Variants in SLC8A1 observed in about 807,000 individuals in gnomAD.
SLC8A1 encodes the protein solute carrier family 8 member A1.
SLC8A1 carries 18 observed loss-of-function variants against 68.3 expected under a neutral mutation model. The ratio of observed to expected loss-of-function variants is 0.26; its 90% confidence interval spans 0.18 to 0.39. The LOEUF is 0.39. Ranked by LOEUF, SLC8A1 falls within the 10% of genes least tolerant of loss-of-function variation. SLC8A1 has a pLI of 1.00. For synonymous variants in SLC8A1, 475 were observed against 415.5 expected (o/e 1.14, Z -1.74); for missense variants, 985 against 1,156.7 (o/e 0.85, Z 2.15).
chr2:40,443,539 GATC>G (rs1478915191), intron 1 of SLC8A1, among the ~76,000 whole-genome samples: 1 of 152,182 alleles, frequency 6.6e-6, no homozygotes, highest in Non-Finnish European at 1.5e-5. Flanking sequence ...TGGGGTATGA[GATC>G]ATGTTTGGAA....
intron 2 of SLC8A1, among the ~76,000 whole-genome samples, chr2:40,393,831 A>G (rs543270054): frequency 3.9e-5 from 6 of 152,112 alleles, no homozygotes; most frequent in Non-Finnish European, 7.4e-5. Context: ...CATAACCTAA[A>G]TCACCCAATC....
chr2:40,311,757 A>C (rs1057417347), intron 2 of SLC8A1, among the ~76,000 whole-genome samples: 1 of 151,982 alleles, frequency 6.6e-6, no homozygotes, highest in Non-Finnish European at 1.5e-5. Context: ...TTACTTGCAT[A>C]ATTAAAATAT....
intron 2 of SLC8A1, among the ~76,000 whole-genome samples, chr2:40,274,592 T>C (rs1020788285): frequency 3.3e-5 from 5 of 152,210 alleles, no homozygotes; most frequent in African/African-American, 1.2e-4. Context: ...CAGATGATGA[T>C]ACAAGCATAT....
intron 1 of SLC8A1, among the ~76,000 whole-genome samples, chr2:40,498,191 C>G (rs1393573802): frequency 6.6e-6 from 1 of 152,008 alleles, no homozygotes; most frequent in African/African-American, 2.4e-5. Flanking sequence ...AGTCTTTAGA[C>G]TCCGCAGAAA....
intron 2 of SLC8A1, among the ~76,000 whole-genome samples, chr2:40,384,184 G>A (rs1024842320): frequency 2.0e-5 from 3 of 152,008 alleles, no homozygotes; most frequent in Non-Finnish European, 4.4e-5. Flanking sequence ...TGAATCCCAG[G>A]AGTTGGAGAC....
chr2:40,230,648 A>G (rs1229418868), intron 2 of SLC8A1, among the ~76,000 whole-genome samples: 1 of 152,252 alleles, frequency 6.6e-6, no homozygotes, highest in Non-Finnish European at 1.5e-5. Context: ...ATAATTAATT[A>G]TCATTTAGAA....
Position 40,130,806 on chromosome 2 carries a change from A to C in SLC8A1, c.2437+8595T>G, listed in dbSNP as rs566770558. Among the ~76,000 whole-genome samples the C allele has an allele frequency of 5.3e-5, 8 of 152,352 alleles. No individual in the cohort carries two copies. In the East Asian group the frequency reaches 1.5e-3, roughly 29 times the overall value. On this transcript the variant is annotated intron_variant, in intron 7 of 7. Coordinates refer to ENST00000406785, the Ensembl canonical transcript of SLC8A1. ...ACAATGGCACCTCTTGACACTGGCTATCTGACTTGAAATGTCAATGTTGAG... is the reference window on the plus strand; with the variant it reads ...ACAATGGCACCTCTTGACACTGGCTCTCTGACTTGAAATGTCAATGTTGAG...
chr2:40,321,534 A>T (rs954288536), intron 2 of SLC8A1, among the ~76,000 whole-genome samples: 1 of 152,110 alleles, frequency 6.6e-6, no homozygotes, highest in African/African-American at 2.4e-5. Context: ...TTACAAAGAA[A>T]AGAGGTTTAA....
chr2:40,284,183 A>G (rs570880649), intron 2 of SLC8A1, among the ~76,000 whole-genome samples: 26 of 151,948 alleles, frequency 1.7e-4, no homozygotes, highest in African/African-American at 6.0e-4. Context: ...ATCTATAGAT[A>G]TAGCTATCTA....
chr2:40,438,186 A>G (rs1699801785), intron 1 of SLC8A1, among the ~76,000 whole-genome samples: 1 of 152,184 alleles, frequency 6.6e-6, no homozygotes, highest in Admixed American at 6.6e-5. Flanking sequence ...CTCCTGATAG[A>G]CAATGGTAAT....
intron 2 of SLC8A1, among the ~76,000 whole-genome samples, chr2:40,200,904 A>G (rs1012895968): frequency 6.6e-6 from 1 of 151,888 alleles, no homozygotes; most frequent in Non-Finnish European, 1.5e-5. Flanking sequence ...GGTGAGTATG[A>G]GTGAGATTAT....
chr2:40,177,677 T>G, intron 3 of SLC8A1: 1 of 885,294 alleles, frequency 1.1e-6, no homozygotes, highest in Non-Finnish European at 1.8e-6. Context: ...AGGAGAGAGT[T>G]AAGTGTGAGA....
chr2:40,488,646 GT>G (rs1705122581), intron 1 of SLC8A1, among the ~76,000 whole-genome samples: 1 of 152,098 alleles, frequency 6.6e-6, no homozygotes, highest in African/African-American at 2.4e-5. Context: ...AGACATTTTT[GT>G]ACTAAGCCAC....
chr2:40,358,290 A>T (rs2149470493), intron 2 of SLC8A1, among the ~76,000 whole-genome samples: 1 of 150,954 alleles, frequency 6.6e-6, no homozygotes, highest in South Asian at 2.1e-4. Flanking sequence ...AAAAAAAAAG[A>T]CCCACCACAT....
At chr2:40,285,375 G>A (rs2068146080) in intron 2 of SLC8A1, among the ~76,000 whole-genome samples, 1 of 152,182 alleles carries the variant, frequency 6.6e-6, no homozygotes, top group Non-Finnish European at 1.5e-5. Flanking sequence ...AAAGACAAGA[G>A]CATCATAAAC....
intron 2 of SLC8A1, among the ~76,000 whole-genome samples, chr2:40,339,005 G>C (rs1481480271): frequency 6.6e-6 from 1 of 152,202 alleles, no homozygotes; most frequent in Non-Finnish European, 1.5e-5. Flanking sequence ...GGCCTCAGAT[G>C]ATGGGCTGCT....
In SLC8A1 at chr2:40,184,904, A is replaced by C. The variant is rs1012934423; in HGVS notation, c.1809-7049T>G. 4.4e-3 allele frequency among the ~76,000 whole-genome samples: 508 copies of C among 115,468 alleles called. 2 individuals are homozygous for C. Among genetic ancestry groups the C allele is most frequent in the East Asian group, 0.012 (60 of 5,076 alleles). 75.8% of individuals were successfully genotyped at this position (115,468 alleles called of 152,430 possible). On this transcript the variant is annotated intron_variant, in intron 2 of 7. Transcript: ENST00000406785. ...AAGACAAACTAACCAAAAACAAAAA[A>C]AAAAAAAAAAAAAAAGGAAAAGAAA...
chr2:40,241,936 T>C (rs926514955), intron 2 of SLC8A1, among the ~76,000 whole-genome samples: 2 of 152,280 alleles, frequency 1.3e-5, no homozygotes, highest in East Asian at 1.9e-4. Context: ...GGATAAAATA[T>C]AGAAAATATT....
chr2:40,349,789 T>C (rs970715687), intron 2 of SLC8A1, among the ~76,000 whole-genome samples: 5 of 152,180 alleles, frequency 3.3e-5, no homozygotes, highest in African/African-American at 1.2e-4. Context: ...CCTTTTAATA[T>C]TAGAATTATA....
Sources: gnomAD v4.1 joint callset for allele counts (sites outside exome capture counted in the v4.1 genomes callset) on GRCh38, gnomAD v4.1.1 for gene constraint, MANE v1.5 for transcripts, NCBI Gene and HGNC (gene_info 2026-07-23, HGNC 2026-07-21) for gene names.